The following AKAP6 variants were observed in gnomAD, a reference collection of about 807,000 sequenced individuals.
AKAP6 encodes A-kinase anchoring protein 6, also known as A-kinase anchor protein 6.
AKAP6 carries 58 observed loss-of-function variants against 188.5 expected under a neutral mutation model. The observed-to-expected ratio is 0.31, with a 90% CI of 0.25 to 0.38. AKAP6 has a LOEUF of 0.38. Ranked by LOEUF, AKAP6 falls within the 10% of genes least tolerant of loss-of-function variation. The probability of loss-of-function intolerance (pLI) is 1.00; values close to 1 mark genes in which losing one functional copy is unlikely to be tolerated. For missense variants in AKAP6, 2,710 were observed against 2,740.0 expected (o/e 0.99, Z 0.24); for synonymous variants, 989 against 998.6 (o/e 0.99, Z 0.18).
chr14:32,827,767 A>G (rs1279478152), intron 13 of AKAP6, among the ~76,000 whole-genome samples: 1 of 152,008 alleles, frequency 6.6e-6, no homozygotes. Flanking sequence ...CTTTGCGCTA[A>G]TCTTTTTGCT....
chr14:32,346,986 G>A (rs1432116337), intron 1 of AKAP6, among the ~76,000 whole-genome samples: 1 of 152,162 alleles, frequency 6.6e-6, no homozygotes, highest in Non-Finnish European at 1.5e-5. Context: ...ATATTTATTA[G>A]ACTAGCATTA....
At chr14:32,489,073 G>A (rs1396899361) in intron 2 of AKAP6, among the ~76,000 whole-genome samples, 1 of 152,178 alleles carries the variant, frequency 6.6e-6, no homozygotes, top group Non-Finnish European at 1.5e-5. Flanking sequence ...TCATTAGGAT[G>A]ATGTTACATT....
intron 1 of AKAP6, among the ~76,000 whole-genome samples, chr14:32,331,543 G>A (rs1380055259): frequency 6.6e-6 from 1 of 152,036 alleles, no homozygotes; most frequent in Non-Finnish European, 1.5e-5. Flanking sequence ...CAAAGCCCTG[G>A]TAATGAGAGC....
At chr14:32,707,013 A>G (rs1466149739) in intron 9 of AKAP6, among the ~76,000 whole-genome samples, 8 of 152,252 alleles carry the variant, frequency 5.3e-5, no homozygotes, top group African/African-American at 1.9e-4. Context: ...CCATATGCTT[A>G]TAGACATTTA....
intron 2 of AKAP6, among the ~76,000 whole-genome samples, chr14:32,466,659 A>C (rs899568659): frequency 1.3e-5 from 2 of 150,568 alleles, no homozygotes; most frequent in Admixed American, 1.3e-4. Context: ...GGGTTGATAC[A>C]TGCAGCAAAC....
chr14:32,790,222 TAA>T (rs2033566988), intron 12 of AKAP6, among the ~76,000 whole-genome samples: 1 of 152,236 alleles, frequency 6.6e-6, no homozygotes, highest in Admixed American at 6.5e-5. Flanking sequence ...TGAGATTATG[TAA>T]AGAGACTGAA....
chr14:32,822,678 G>A lies in AKAP6; in HGVS notation c.4865G>A (p.Ser1622Asn). 1 of 1,614,030 alleles carries A rather than the reference G, an allele frequency of 6.2e-7. No individual in the cohort carries two copies. Among genetic ancestry groups the A allele is most frequent in the Non-Finnish European group, 8.5e-7 (1 of 1,179,946 alleles). Residue 1622 changes from serine (S) to asparagine (N), a missense_variant, in exon 13 of 14, where the codon AGT becomes AAT. Transcript: ENST00000280979. Reference sequence around the variant, plus strand: ...AGCTCTGGGGATATAAGCGTGAGCAGTGGCTCAGTTGGTGAACTAAGTAAA... The same window carrying A: ...AGCTCTGGGGATATAAGCGTGAGCAATGGCTCAGTTGGTGAACTAAGTAAA... ...CHSSGDISVS[S>N]GSVGELSKRT...
At chr14:32,758,109 G>T (rs1228643077) in intron 11 of AKAP6, among the ~76,000 whole-genome samples, 1 of 152,062 alleles carries the variant, frequency 6.6e-6, no homozygotes, top group Non-Finnish European at 1.5e-5. Flanking sequence ...TAGTATTATA[G>T]ACAATGCCTT....
chr14:32,739,551 C>A (rs575051744), intron 11 of AKAP6, among the ~76,000 whole-genome samples: 4 of 152,060 alleles, frequency 2.6e-5, no homozygotes, highest in Non-Finnish European at 2.9e-5. Flanking sequence ...TAACCATCCC[C>A]CCTACTCTCT....
At chr14:32,817,030 C>G (rs2034395380) in intron 12 of AKAP6, among the ~76,000 whole-genome samples, 1 of 152,022 alleles carries the variant, frequency 6.6e-6, no homozygotes, top group Non-Finnish European at 1.5e-5. Flanking sequence ...AAAGATGCAA[C>G]TTTTGAAAGG....
intron 9 of AKAP6, among the ~76,000 whole-genome samples, chr14:32,716,343 A>G (rs1435684282): frequency 6.6e-6 from 1 of 151,404 alleles, no homozygotes; most frequent in Admixed American, 6.6e-5. Flanking sequence ...AAATAGTAAA[A>G]CTTTGTCACT....
intron 9 of AKAP6, among the ~76,000 whole-genome samples, chr14:32,698,725 C>T (rs1269211073): frequency 6.6e-6 from 1 of 152,104 alleles, no homozygotes; most frequent in Non-Finnish European, 1.5e-5. Flanking sequence ...ATGCCTTAAA[C>T]TTGTACTGTA....
At chr14:32,526,741 G>C (rs1236722148) in intron 2 of AKAP6, among the ~76,000 whole-genome samples, 1 of 152,182 alleles carries the variant, frequency 6.6e-6, no homozygotes, top group East Asian at 1.9e-4. Flanking sequence ...AAGTGTATTT[G>C]CTAGAGGAAA....
rs189133785 is a variant in AKAP6 at position 32,388,055 on chromosome 14, C to A, written c.-34-45405C>A. ...ATTGGTCTGTTTAGGGTATCTAACT[C>A]TTCCTGATTTAAGCTAGGAGGGTTG... On this transcript the variant is annotated intron_variant, in intron 1 of 13. Transcript: ENST00000280979. 3.0e-3 allele frequency among the ~76,000 whole-genome samples: 453 copies of A among 152,016 alleles called. 4 individuals are homozygous for A. The highest frequency in any genetic ancestry group is 0.01 in the African/African-American group (432 of 41,490).
chr14:32,659,433 C>T (rs1238787256), intron 7 of AKAP6, among the ~76,000 whole-genome samples: 3 of 152,076 alleles, frequency 2.0e-5, no homozygotes, highest in Non-Finnish European at 4.4e-5. Context: ...ATACTTTAAA[C>T]AAGCTGTCCA....
chr14:32,445,258 C>T (rs1048656598), intron 2 of AKAP6, among the ~76,000 whole-genome samples: 2 of 152,102 alleles, frequency 1.3e-5, no homozygotes, highest in African/African-American at 4.8e-5. Context: ...TTCTTTACCC[C>T]AAACTTCTCT....
intron 1 of AKAP6, among the ~76,000 whole-genome samples, chr14:32,350,646 C>T (rs1047928159): frequency 1.3e-5 from 2 of 152,164 alleles, no homozygotes; most frequent in African/African-American, 4.8e-5. Context: ...ACCTTGATAA[C>T]ATGAGATGTT....
chr14:32,391,114 G>T (rs139413240), intron 1 of AKAP6, among the ~76,000 whole-genome samples: 1 of 152,268 alleles, frequency 6.6e-6, no homozygotes, highest in Admixed American at 6.5e-5. Flanking sequence ...AAGACCAGGT[G>T]CTTTAATAGG....
At position 32,499,789 on chromosome 14, in the gene AKAP6, TAAA is replaced by T. The variant is rs1250087597; in HGVS notation, c.325-35762_325-35760del. ...TTTAATTTTTCAATCATTAATCACTTAAAAAGAGAGCGAGATTAGACACAGTAT... is the reference window on the plus strand; with the variant it reads ...TTTAATTTTTCAATCATTAATCACTTAAGAGAGCGAGATTAGACACAGTAT... On this transcript the variant is annotated intron_variant, in intron 2 of 13. Coordinates refer to ENST00000280979, the MANE Select transcript of AKAP6 (RefSeq NM_004274.5). Among the ~76,000 whole-genome samples, 5 of 151,996 alleles carry T rather than the reference TAAA, an allele frequency of 3.3e-5. No homozygotes were observed. The South Asian group carries it at 6.2e-4, about 19-fold the overall frequency.
Sources: allele counts gnomAD v4.1 joint callset (sites outside exome capture counted in the v4.1 genomes callset), GRCh38; gene constraint gnomAD v4.1.1; transcripts MANE v1.5; gene names NCBI Gene and HGNC (gene_info 2026-07-23, HGNC 2026-07-21).